ADGRL3: variants seen among roughly 807,000 people sequenced by gnomAD.
The protein encoded by ADGRL3 is calcium-independent alpha-latrotoxin receptor 3.
ADGRL3 carries 62 observed loss-of-function variants against 153.5 expected under a neutral mutation model. That is an observed-to-expected ratio of 0.40 (90% CI 0.33 to 0.50). The LOEUF is 0.50. Ranked by LOEUF, ADGRL3 falls within the 20% of genes least tolerant of loss-of-function variation. The pLI is 0.47. For missense variants in ADGRL3, 1,641 were observed against 1,859.4 expected, an observed-to-expected ratio of 0.88 and a Z score of 2.16; for synonymous variants, 710 against 672.5, an observed-to-expected ratio of 1.06 and a Z score of -0.86.
chr4:61,668,466 G>A (rs1048289201), intron 5 of ADGRL3, among the ~76,000 whole-genome samples: 3 of 152,128 alleles, frequency 2.0e-5, no homozygotes, highest in South Asian at 2.1e-4. Flanking sequence ...CAGAAAAAAC[G>A]AATACAATAT....
At chr4:61,948,304 G>A (rs1202362771) in intron 17 of ADGRL3, 28 bp downstream of exon 17, 2 of 1,571,698 alleles carry the variant, frequency 1.3e-6, no homozygotes, top group Non-Finnish European at 1.7e-6. Context: ...CAATGAAAAT[G>A]TTTTAGTATA....
chr4:62,003,527 A>T (rs2099147653), intron 21 of ADGRL3, among the ~76,000 whole-genome samples: 1 of 152,136 alleles, frequency 6.6e-6, no homozygotes, highest in Non-Finnish European at 1.5e-5. Flanking sequence ...AATGGGGAAT[A>T]ATTATACCTA....
At chr4:61,966,912 G>A (rs1343260264) in intron 17 of ADGRL3, among the ~76,000 whole-genome samples, 1 of 152,050 alleles carries the variant, frequency 6.6e-6, no homozygotes, top group African/African-American at 2.4e-5. Context: ...GGAAATATAG[G>A]CAAGCATTTG....
At chr4:61,254,818 T>C (rs979294779) in intron 1 of ADGRL3, among the ~76,000 whole-genome samples, 3 of 152,320 alleles carry the variant, frequency 2.0e-5, no homozygotes, top group Non-Finnish European at 4.4e-5. Context: ...CTTAGTTTTA[T>C]CAGTCATTTT....
At chr4:61,701,457 T>C in intron 6 of ADGRL3, among the ~76,000 whole-genome samples, 1 of 114,840 alleles carries the variant, frequency 8.7e-6, no homozygotes, top group African/African-American at 3.5e-5. Flanking sequence ...TTTTTTGAGA[T>C]GGAGTCTCAC....
rs190694154 is a variant in ADGRL3, at chr4:61,602,068, A to G, written c.473+14628A>G. Among the ~76,000 whole-genome samples the G allele has an allele frequency of 5.9e-3, 864 of 146,088 alleles. 9 individuals are homozygous for G. The highest frequency in any genetic ancestry group is 0.02 in the African/African-American group (815 of 40,684). On this transcript the variant is annotated intron_variant, in intron 5 of 26. Coordinates refer to ENST00000683033, the MANE Select transcript of ADGRL3 (RefSeq NM_001387552.1). ...AATAATAATAACTAGTAAAATAAGT[A>G]AACGGTTAATAAATAAACGCTTGAT...
intron 1 of ADGRL3, among the ~76,000 whole-genome samples, chr4:61,287,180 T>C (rs1490859825): frequency 1.3e-5 from 2 of 151,898 alleles, no homozygotes; most frequent in East Asian, 3.9e-4. Flanking sequence ...TGTTTACAGT[T>C]TTTGTAATCA....
rs146077281 is a variant in ADGRL3, at chr4:61,413,326, C to T, written c.-174+30137C>T. ...GGTGGGAAGTGATGAAAGTCTTCACCTGGCCTCTGTTTACACCAGCATCTT... is the reference window on the plus strand; with the variant it reads ...GGTGGGAAGTGATGAAAGTCTTCACTTGGCCTCTGTTTACACCAGCATCTT... On this transcript the variant is annotated intron_variant, in intron 2 of 26. Transcript: ENST00000683033. 4.2e-3 allele frequency among the ~76,000 whole-genome samples: 639 copies of T among 152,154 alleles called. 3 individuals are homozygous for T. The highest frequency in any genetic ancestry group is 6.3e-3 in the Non-Finnish European group (427 of 67,988).
intron 6 of ADGRL3, among the ~76,000 whole-genome samples, chr4:61,678,141 C>T (rs1048637865): frequency 4.0e-5 from 6 of 151,760 alleles, no homozygotes; most frequent in African/African-American, 7.3e-5. Flanking sequence ...CCCCTACTGA[C>T]GATTATTGTT....
chr4:61,395,147 C>T (rs1437241084), intron 2 of ADGRL3, among the ~76,000 whole-genome samples: 4 of 151,824 alleles, frequency 2.6e-5, no homozygotes, highest in African/African-American at 9.7e-5. Context: ...ATTGTCAGTT[C>T]CGGGACAATC....
At chr4:61,954,540 A>G (rs1236804345) in intron 17 of ADGRL3, among the ~76,000 whole-genome samples, 2 of 151,988 alleles carry the variant, frequency 1.3e-5, no homozygotes, top group Admixed American at 1.3e-4. Flanking sequence ...TTCAATCTCT[A>G]ATGACTCCTT....
intron 1 of ADGRL3, among the ~76,000 whole-genome samples, chr4:61,350,810 G>A (rs1254443003): frequency 6.6e-6 from 1 of 152,032 alleles, no homozygotes; most frequent in Non-Finnish European, 1.5e-5. Context: ...TCCTTGAGCC[G>A]GCTGTTTTGT....
intron 2 of ADGRL3, among the ~76,000 whole-genome samples, chr4:61,400,028 A>G (rs926366838): frequency 3.3e-5 from 5 of 151,830 alleles, no homozygotes; most frequent in African/African-American, 1.2e-4. Context: ...CAGGGAATCA[A>G]AATAATCAGC....
At chr4:61,990,952 C>CTGTGTGTGTGTGTGTGTG (rs34294452) in intron 19 of ADGRL3, among the ~76,000 whole-genome samples, 21 of 142,366 alleles carry the variant, frequency 1.5e-4, no homozygotes, top group Middle Eastern at 7.0e-3. Context: ...ATGTTTGAAA[C>CTGTGTGTGTGTGTGTGTG]TGTGTGTGTG....
At chr4:61,784,034 A>C (rs1189113637) in intron 8 of ADGRL3, among the ~76,000 whole-genome samples, 2 of 152,106 alleles carry the variant, frequency 1.3e-5, no homozygotes, top group Non-Finnish European at 2.9e-5. Context: ...AAGAGAATAA[A>C]GTAATATGTT....
intron 4 of ADGRL3, among the ~76,000 whole-genome samples, chr4:61,577,166 G>GTGTT (rs1423679033): frequency 1.3e-5 from 2 of 149,404 alleles, no homozygotes; most frequent in African/African-American, 4.9e-5. Context: ...GTGTGTGTGT[G>GTGTT]TATGTGTGTG....
chr4:61,309,337 C>A (rs1349963600), intron 1 of ADGRL3, among the ~76,000 whole-genome samples: 1 of 152,022 alleles, frequency 6.6e-6, no homozygotes, highest in African/African-American at 2.4e-5. Context: ...ATTTAAACAC[C>A]TTTTTCACTC....
At chr4:61,747,233 A>C (rs371853061) in intron 8 of ADGRL3, among the ~76,000 whole-genome samples, 44 of 150,360 alleles carry the variant, frequency 2.9e-4, no homozygotes, top group African/African-American at 1.1e-3. Context: ...ACCAACCAAA[A>C]AGAGTCCAGG....
At chr4:62,010,539 A>G (rs571125520) in intron 21 of ADGRL3, among the ~76,000 whole-genome samples, 194 of 152,296 alleles carry the variant, frequency 1.3e-3, no homozygotes, top group African/African-American at 4.5e-3. Context: ...GTCTGGAAAT[A>G]TATTTGTGAA....
Sources: allele counts gnomAD v4.1 joint callset (sites outside exome capture counted in the v4.1 genomes callset), GRCh38; gene constraint gnomAD v4.1.1; transcripts MANE v1.5; gene names NCBI Gene and HGNC (gene_info 2026-07-23, HGNC 2026-07-21).